Variants in RRM1 observed in about 807,000 individuals in gnomAD.
RRM1 encodes ribonucleotide reductase catalytic subunit M1.
Under a neutral mutation model 101.5 loss-of-function variants are expected in RRM1, and 19 were observed. The ratio of observed to expected loss-of-function variants is 0.19; its 90% CI spans 0.13 to 0.27. The LOEUF (loss-of-function observed/expected upper bound fraction) is 0.27. RRM1 is among the 10% of genes least tolerant of loss of function. RRM1 has a pLI of 1.00. For missense variants in RRM1, 500 were observed against 962.9 expected (o/e 0.52, Z 6.36); for synonymous variants, 298 against 323.4 (o/e 0.92, Z 0.84).
chr11:4,120,232 A>T (rs529826853), intron 9 of RRM1, among the ~76,000 whole-genome samples: 1 of 152,252 alleles, frequency 6.6e-6, no homozygotes, highest in African/African-American at 2.4e-5. Flanking sequence ...CTACCCACAC[A>T]TACTTTATCC....
intron 8 of RRM1, 159 bp from the exon 9 acceptor site, chr11:4,119,686 T>C (rs1156300711): frequency 3.3e-6 from 2 of 613,288 alleles, no homozygotes; most frequent in Non-Finnish European, 5.8e-6. Flanking sequence ...TGATTTTATT[T>C]GGGCATTTTT....
intron 13 of RRM1, 57 bp from the exon 14 acceptor site, chr11:4,126,978 T>A (rs960021625): frequency 6.7e-7 from 1 of 1,501,802 alleles, no homozygotes; most frequent in African/African-American, 1.4e-5. Flanking sequence ...GTACAGAATG[T>A]TGCTTTTCCT....
chr11:4,133,523 GTTAT>G, intron 16 of RRM1, 36 bp from the exon 17 acceptor site: 1 of 1,279,076 alleles, frequency 7.8e-7, no homozygotes, highest in Non-Finnish European at 1.1e-6. Flanking sequence ...AGCAGTCACT[GTTAT>G]TTATTTCTTC....
chr11:4,117,223 A>G (rs2094574991), intron 7 of RRM1, among the ~76,000 whole-genome samples: 1 of 152,236 alleles, frequency 6.6e-6, no homozygotes, highest in Admixed American at 6.5e-5. Context: ...TTGTCCATCC[A>G]CTTTGGAGAA....
chr11:4,126,866 A>G (rs768724176), intron 13 of RRM1, 33 bp downstream of exon 13: 11 of 1,546,102 alleles, frequency 7.1e-6, no homozygotes, highest in Non-Finnish European at 9.7e-6. Flanking sequence ...ATTGGTAATT[A>G]TTGAAATCCA....
Position 4,126,718 on chromosome 11 carries a change from A to G in RRM1, c.1355A>G (p.Asn452Ser). ...AVCNLASLAL[N>S]MYVTSEHTYD... ...TGTAATTTGGCTTCCCTGGCCCTGA[A>G]TATGTATGTCACATCAGAACACACA... Residue 452 changes from asparagine to serine, a missense_variant, in exon 13 of 19, where the codon AAT (asparagine) becomes AGT (serine). Asn to Ser is a conservative substitution (Grantham distance 46). Transcript: ENST00000300738. The G allele has an allele frequency of 6.2e-7, 1 of 1,612,792 alleles. No homozygotes were observed. Among genetic ancestry groups the G allele is most frequent in the South Asian group, 1.1e-5 (1 of 90,548 alleles).
Position 4,132,217 on chromosome 11 carries a change from C to G in RRM1, c.1770-69C>G. 1 of 1,474,846 alleles carries G rather than the reference C, an allele frequency of 6.8e-7. No individual in the cohort carries two copies. Among genetic ancestry groups the G allele is most frequent in the Non-Finnish European group, 9.5e-7 (1 of 1,056,056 alleles). The allele number at this position is 1,474,846 out of a possible 1,614,324, so 91.4% of individuals were successfully genotyped here. A position where few individuals can be genotyped will look rare whatever the true frequency, so the allele number is the denominator to read the frequency against. On this transcript the variant is annotated intron_variant, in intron 15 of 18. Transcript: ENST00000300738. The surrounding 1 kb of genome is among the most constrained non-coding windows in gnomAD (Gnocchi z 4.1). ...CATTTATCTACATTTACTACAGTGA[C>G]TTAAAGTAGCTGCTTTCCTGGCAGA...
At chr11:4,136,222 T>C (rs1394535707) in intron 18 of RRM1, among the ~76,000 whole-genome samples, 1 of 152,074 alleles carries the variant, frequency 6.6e-6, no homozygotes, top group Non-Finnish European at 1.5e-5. Context: ...TTATTTTATG[T>C]ATGTATGTAT....
intron 17 of RRM1, among the ~76,000 whole-genome samples, chr11:4,134,490 T>C (rs1013579533): frequency 7.2e-5 from 11 of 152,218 alleles, no homozygotes; most frequent in Non-Finnish European, 1.6e-4. Context: ...TGGCTAAATG[T>C]TGGTCTGCTT....
chr11:4,098,178 C>T (rs1349852196), intron 1 of RRM1, among the ~76,000 whole-genome samples: 1 of 152,162 alleles, frequency 6.6e-6, no homozygotes, highest in East Asian at 1.9e-4. Flanking sequence ...TGTGGATACA[C>T]ATAAAATGAT....
chr11:4,106,302 T>C (rs1376320669), intron 3 of RRM1, 79 bp downstream of exon 3: 10 of 1,280,424 alleles, frequency 7.8e-6, no homozygotes, highest in Non-Finnish European at 8.8e-6. Context: ...CTTGACTGTT[T>C]AAAGAAGCAA....
chr11:4,129,858 T>C (rs2094596170), intron 15 of RRM1, among the ~76,000 whole-genome samples: 1 of 151,732 alleles, frequency 6.6e-6, no homozygotes, highest in African/African-American at 2.4e-5. Flanking sequence ...TAAATTAAAA[T>C]TGTTTTCCTA....
At chr11:4,100,617 A>G (rs2094549640) in intron 1 of RRM1, among the ~76,000 whole-genome samples, 1 of 152,252 alleles carries the variant, frequency 6.6e-6, no homozygotes, top group South Asian at 2.1e-4. Context: ...AAACTAAATC[A>G]GTGTGAGACA....
rs2094590897 is a variant in RRM1 at position 4,127,060 on chromosome 11, G to A, written c.1496G>A (p.Arg499His). The A allele has an allele frequency of 1.2e-6, 2 of 1,612,240 alleles. No individual in the cohort carries two copies. Among genetic ancestry groups the A allele is most frequent in the Non-Finnish European group, 1.7e-6 (2 of 1,179,416 alleles). Residue 499 changes from arginine to histidine, a missense_variant, in exon 14 of 19, where the codon CGC becomes CAC. By Grantham distance (29) the Arg-to-His change is conservative. Around this residue, in one of 9 missense-constraint regions of RRM1, gnomAD observed 106 missense variants for 138.1 expected, o/e 0.77. Transcript: ENST00000300738. Reference sequence around the variant, plus strand: ...GCATGCCTATCAAATAAACGCCATCGCCCCATTGGAATTGGGGTACAAGGT... The same window carrying A: ...GCATGCCTATCAAATAAACGCCATCACCCCATTGGAATTGGGGTACAAGGT... ...PEACLSNKRH[R>H]PIGIGVQGLA...
rs980141502 is a variant in RRM1, at chr11:4,114,914, T to C, written c.650+2852T>C. 2.6e-5 allele frequency among the ~76,000 whole-genome samples: 4 copies of C among 152,122 alleles called. 1 individual carries two copies. The highest frequency in any genetic ancestry group is 9.7e-5 in the African/African-American group (4 of 41,430). Reference sequence around the variant, plus strand: ...TTTTAATACAGACGGGGTTTCACCATGTTGGCCAGGCTGATCTCAAACTCC... The same window carrying C: ...TTTTAATACAGACGGGGTTTCACCACGTTGGCCAGGCTGATCTCAAACTCC... On this transcript the variant is annotated intron_variant, in intron 7 of 18. Coordinates refer to ENST00000300738, the MANE Select transcript of RRM1 (RefSeq NM_001033.5).
Position 4,138,191 on chromosome 11 carries a change from G to A in RRM1, c.2191-4G>A. On this transcript the variant is annotated splice_polypyrimidine_tract_variant and splice_region_variant and intron_variant, in intron 18 of 18. Coordinates refer to ENST00000300738, the MANE Select transcript of RRM1 (RefSeq NM_001033.5). ...CCTAATAATTGTCTTTACTTTCCTT[G>A]TAGGGTTTGAAGACTGGGATGTATT... 6.6e-7 allele frequency: 1 copy of A among 1,509,530 alleles called. No individual in the cohort carries two copies. The highest frequency in any genetic ancestry group is 9.1e-7 in the Non-Finnish European group (1 of 1,100,512). 93.5% of individuals were successfully genotyped at this position (1,509,530 alleles called of 1,614,324 possible).
At chr11:4,124,710 G>A (rs2094586785) in intron 12 of RRM1, among the ~76,000 whole-genome samples, 1 of 151,848 alleles carries the variant, frequency 6.6e-6, no homozygotes, top group Non-Finnish European at 1.5e-5. Flanking sequence ...TTTTCGGGGG[G>A]CGTCAAGATT....
chr11:4,118,926 G>A (rs572891181), intron 8 of RRM1: 1 of 152,810 alleles, frequency 6.5e-6, no homozygotes, highest in Admixed American at 6.5e-5. Flanking sequence ...TTAGAAAGTT[G>A]TTACTTTCTG....
chr11:4,097,834 A>G (rs1262576093), intron 1 of RRM1, among the ~76,000 whole-genome samples: 2 of 152,238 alleles, frequency 1.3e-5, no homozygotes, highest in East Asian at 3.8e-4. Context: ...ATGTCTTGCT[A>G]AACACTGTGA....
Sources: allele counts gnomAD v4.1 joint callset (sites outside exome capture counted in the v4.1 genomes callset), GRCh38; gene constraint gnomAD v4.1.1; regional missense constraint gnomAD v4.1.1; non-coding constraint Gnocchi (gnomAD v3.1); transcripts MANE v1.5; gene names NCBI Gene and HGNC (gene_info 2026-07-23, HGNC 2026-07-21).